Variants in WDPCP observed in about 807,000 individuals in gnomAD.
The protein encoded by WDPCP is WD repeat-containing and planar cell polarity effector protein fritz homolog.
WDPCP carries 71 observed loss-of-function variants against 93.1 expected under a neutral mutation model. That is an observed-to-expected ratio of 0.76 (90% confidence interval 0.63 to 0.93). The LOEUF (loss-of-function observed/expected upper bound fraction) is 0.93. WDPCP is among the 40% of genes least tolerant of loss of function. The pLI is 0.00. For missense variants in WDPCP, 844 were observed against 887.4 expected (o/e 0.95, Z 0.62); for synonymous variants, 315 against 315.0 (o/e 1.00, Z 0.00).
chr2:63,702,133 C>T (rs1303656387), intron 2 of WDPCP, among the ~76,000 whole-genome samples: 2 of 152,158 alleles, frequency 1.3e-5, no homozygotes, highest in Non-Finnish European at 2.9e-5. Flanking sequence ...TCAAGCGATT[C>T]TCCTGCCTCA....
At chr2:63,128,916 C>T (rs1484211137) in intron 17 of WDPCP, among the ~76,000 whole-genome samples, 1 of 152,230 alleles carries the variant, frequency 6.6e-6, no homozygotes, top group Admixed American at 6.5e-5. Flanking sequence ...GATCCACCCA[C>T]CTTGGCCTCT....
At chr2:63,715,375 C>A (rs915400472) in intron 2 of WDPCP, among the ~76,000 whole-genome samples, 1 of 152,076 alleles carries the variant, frequency 6.6e-6, no homozygotes, top group Admixed American at 6.5e-5. Flanking sequence ...CTCAGAATAC[C>A]CTTTCAGCCT....
chr2:63,716,462 C>T lies in WDPCP; in HGVS notation n.309-65624G>A, dbSNP rs573024873. 5.9e-5 allele frequency among the ~76,000 whole-genome samples: 9 copies of T among 152,260 alleles called. No individual in the cohort carries two copies. In the South Asian group the frequency reaches 1.0e-3, roughly 18 times the overall value. ...GTGGCACTTTTGTCATTATTTTAAA[C>T]GTCTTTATTGTCCTCAGAAGTAATC... is the stretch of plus-strand genomic sequence containing the variant. On this transcript the variant is annotated intron_variant and non_coding_transcript_variant, in intron 2 of 4. Transcript: ENST00000467687.
At chr2:63,569,991 C>A (rs1188937607) in intron 1 of WDPCP, among the ~76,000 whole-genome samples, 1 of 152,174 alleles carries the variant, frequency 6.6e-6, no homozygotes, top group African/African-American at 2.4e-5. Flanking sequence ...GGTTGAATGA[C>A]TGGCTCCCTG....
intron 9 of WDPCP, among the ~76,000 whole-genome samples, chr2:63,408,855 G>A (rs941739461): frequency 3.3e-5 from 5 of 152,040 alleles, no homozygotes; most frequent in African/African-American, 1.2e-4. Flanking sequence ...CCAGTGACCT[G>A]GGAATGTCAC....
intron 6 of WDPCP, among the ~76,000 whole-genome samples, chr2:63,469,915 T>C (rs1378270217): frequency 2.0e-5 from 3 of 152,206 alleles, no homozygotes. Context: ...AAACTGCTTT[T>C]ATCTAGATCA....
intron 12 of WDPCP, among the ~76,000 whole-genome samples, chr2:63,318,546 A>G (rs1686833689): frequency 6.6e-6 from 1 of 152,198 alleles, no homozygotes; most frequent in African/African-American, 2.4e-5. Flanking sequence ...CAGGATAAAG[A>G]AAATGTGGTA....
chr2:63,650,114 T>A (rs1203742864), intron 3 of WDPCP, among the ~76,000 whole-genome samples: 3 of 152,226 alleles, frequency 2.0e-5, no homozygotes, highest in Non-Finnish European at 4.4e-5. Flanking sequence ...AATAACCAGC[T>A]TGGATGTTAC....
At chr2:63,193,777 G>A (rs1375630608) in intron 14 of WDPCP, among the ~76,000 whole-genome samples, 1 of 152,184 alleles carries the variant, frequency 6.6e-6, no homozygotes, top group South Asian at 2.1e-4. Flanking sequence ...GCATTGTTGG[G>A]TAAAATTAAT....
intron 2 of WDPCP, among the ~76,000 whole-genome samples, chr2:63,703,565 G>GGTTTTGTTTTGTTTT (rs58378137): frequency 1.3e-5 from 2 of 150,990 alleles, no homozygotes; most frequent in African/African-American, 4.9e-5. Context: ...TTTTTGATGG[G>GGTTTTGTTTTGTTTT]GTTTTGTTTT....
At chr2:63,826,919 T>C (rs1050119902) in intron 1 of WDPCP, among the ~76,000 whole-genome samples, 4 of 152,330 alleles carry the variant, frequency 2.6e-5, no homozygotes, top group African/African-American at 7.2e-5. Flanking sequence ...GAACTACTTC[T>C]ATAGACCATT....
chr2:63,564,999 G>C (rs371342572), intron 1 of WDPCP, among the ~76,000 whole-genome samples: 2 of 152,236 alleles, frequency 1.3e-5, no homozygotes, highest in East Asian at 3.9e-4. Flanking sequence ...GGATAGTCTT[G>C]ATCTCCTGAC....
At chr2:63,615,669 C>T (rs910485340) in intron 3 of WDPCP, among the ~76,000 whole-genome samples, 3 of 152,326 alleles carry the variant, frequency 2.0e-5, no homozygotes, top group East Asian at 1.9e-4. Flanking sequence ...AACTTCTGCT[C>T]TAACCTCACC....
chr2:63,424,141 A>G (rs934791224), intron 9 of WDPCP, among the ~76,000 whole-genome samples: 2 of 151,872 alleles, frequency 1.3e-5, no homozygotes, highest in Admixed American at 1.3e-4. Context: ...TAGCTACAAG[A>G]GATCCCACAA....
chr2:63,416,023 C>G (rs186420314), intron 9 of WDPCP, among the ~76,000 whole-genome samples: 3 of 152,046 alleles, frequency 2.0e-5, no homozygotes, highest in African/African-American at 7.2e-5. Context: ...AAAGATAATG[C>G]TTTGTAAATG....
intron 3 of WDPCP, chr2:63,604,883 T>G: frequency 6.2e-7 from 1 of 1,613,610 alleles, no homozygotes; most frequent in South Asian, 1.1e-5. Context: ...GTAAGAAAAA[T>G]CTGTGAGCCT....
intron 12 of WDPCP, among the ~76,000 whole-genome samples, chr2:63,356,161 A>G (rs910063405): frequency 5.9e-5 from 9 of 152,222 alleles, no homozygotes; most frequent in Non-Finnish European, 1.2e-4. Flanking sequence ...CAAACCAACA[A>G]TGATCAAAAA....
At chr2:63,657,427 C>T (rs551498987) in intron 2 of WDPCP, among the ~76,000 whole-genome samples, 2 of 152,078 alleles carry the variant, frequency 1.3e-5, no homozygotes, top group East Asian at 1.9e-4. Flanking sequence ...CGGATGGTCT[C>T]GATCTTCTGA....
At chr2:63,640,702 G>GT (rs1304301746) in intron 3 of WDPCP, among the ~76,000 whole-genome samples, 1 of 152,078 alleles carries the variant, frequency 6.6e-6, no homozygotes, top group East Asian at 1.9e-4. Context: ...CATAGTAAGT[G>GT]TATATATTTA....
Sources: allele counts gnomAD v4.1 joint callset (sites outside exome capture counted in the v4.1 genomes callset), GRCh38; gene constraint gnomAD v4.1.1; transcripts MANE v1.5; gene names NCBI Gene and HGNC (gene_info 2026-07-23, HGNC 2026-07-21).